The following PLEKHH2 variants were observed in gnomAD, a reference collection of about 807,000 sequenced individuals.
PLEKHH2 encodes the protein pleckstrin homology, MyTH4 and FERM domain containing H2.
PLEKHH2 carries 129 observed loss-of-function variants against 187.9 expected under a neutral mutation model. That is an observed-to-expected ratio of 0.69 (90% CI 0.59 to 0.79). The LOEUF is 0.79. PLEKHH2 is among the 30% of genes least tolerant of loss of function. The pLI is 0.00. For synonymous variants in PLEKHH2, 686 were observed against 605.6 expected, an observed-to-expected ratio of 1.13 and a Z score of -1.95; for missense variants, 2,076 against 1,751.2, an observed-to-expected ratio of 1.19 and a Z score of -3.31.
At chr2:43,760,977 T>C (rs1217457221) in intron 27 of PLEKHH2, among the ~76,000 whole-genome samples, 1 of 152,234 alleles carries the variant, frequency 6.6e-6, no homozygotes, top group Non-Finnish European at 1.5e-5. Flanking sequence ...TTTCCTTCCC[T>C]TTTGAGGCAG....
intron 23 of PLEKHH2, among the ~76,000 whole-genome samples, chr2:43,744,884 A>G (rs71420068): frequency 0.099 from 14,790 of 149,370 alleles, 952 homozygotes; most frequent in African/African-American, 0.18. Context: ...AAAAAAAAAA[A>G]AAAGAAAAAG....
intron 19 of PLEKHH2, among the ~76,000 whole-genome samples, chr2:43,732,805 C>T (rs1414587392): frequency 1.3e-5 from 2 of 152,156 alleles, no homozygotes; most frequent in African/African-American, 4.8e-5. Context: ...ATGTACTCTT[C>T]AGCCAGATCC....
chr2:43,677,716 C>T (rs1283716730), intron 2 of PLEKHH2, among the ~76,000 whole-genome samples: 2 of 151,746 alleles, frequency 1.3e-5, no homozygotes, highest in East Asian at 1.9e-4. Flanking sequence ...CTGTTGGGTA[C>T]ACCTCCAAGA....
rs753010530 is a variant in PLEKHH2, at chr2:43,765,518, C to T, written c.4402C>T (p.Arg1468Trp). ...SAPALLSAQT[R>W]GPQARMMGSQ... ...TCCAGCACTGCTCTCAGCCCAGACC[C>T]GGGGACCCCAAGCCAGAATGATGGG... Residue 1468 changes from arginine (R) to tryptophan (W), a missense_variant, in exon 30 of 30, where the codon CGG becomes TGG. By Grantham distance (101) the Arg-to-Trp change is moderately radical. Transcript: ENST00000282406. 1.1e-5 allele frequency: 17 copies of T among 1,614,070 alleles called. No individual in the cohort carries two copies. Among genetic ancestry groups the T allele is most frequent in the East Asian group, 2.2e-5 (1 of 44,880 alleles).
chr2:43,744,619 G>C (rs951999832), intron 23 of PLEKHH2, among the ~76,000 whole-genome samples: 1 of 152,194 alleles, frequency 6.6e-6, no homozygotes, highest in Non-Finnish European at 1.5e-5. Context: ...TGTAATCCAA[G>C]CACTTTGGGA....
chr2:43,669,333 G>A (rs1282429926), intron 2 of PLEKHH2, among the ~76,000 whole-genome samples: 2 of 152,176 alleles, frequency 1.3e-5, no homozygotes, highest in African/African-American at 4.8e-5. Flanking sequence ...GACTGCCAAT[G>A]GGTACAGGGT....
At chr2:43,640,795 G>C (rs1448045711) in intron 1 of PLEKHH2, among the ~76,000 whole-genome samples, 1 of 150,648 alleles carries the variant, frequency 6.6e-6, no homozygotes, top group Non-Finnish European at 1.5e-5. Context: ...TATTATTATT[G>C]TTTTTAAAGA....
intron 5 of PLEKHH2, among the ~76,000 whole-genome samples, chr2:43,694,871 C>A (rs940880144): frequency 1.3e-5 from 2 of 152,056 alleles, no homozygotes; most frequent in Admixed American, 6.6e-5. Flanking sequence ...AAGCTGAAAT[C>A]GTTTCCTTTA....
chr2:43,688,824 C>T (rs1668650882), intron 3 of PLEKHH2, among the ~76,000 whole-genome samples: 1 of 152,190 alleles, frequency 6.6e-6, no homozygotes, highest in Admixed American at 6.5e-5. Flanking sequence ...TTAATCCTCC[C>T]ATCAATGTGT....
intron 3 of PLEKHH2, chr2:43,681,124 A>C (rs1668154515): frequency 1.1e-6 from 1 of 888,906 alleles, no homozygotes; most frequent in African/African-American, 1.7e-5. Flanking sequence ...TTGTGAAACC[A>C]AGTCAAGGAG....
At chr2:43,703,950 T>C (rs754768832) in intron 8 of PLEKHH2, 31 bp from the exon 9 acceptor site, 1 of 595,486 alleles carries the variant, frequency 1.7e-6, no homozygotes, top group South Asian at 2.0e-5. Flanking sequence ...TTGCTTTAAA[T>C]ACCCTGTTCA....
chr2:43,696,302 A>T (rs7574185), intron 6 of PLEKHH2, among the ~76,000 whole-genome samples: 89,808 of 151,686 alleles, frequency 0.59, 28,045 homozygotes, highest in African/African-American at 0.78. Context: ...GTGAGACCCC[A>T]TCGCTACAAA....
intron 8 of PLEKHH2, among the ~76,000 whole-genome samples, chr2:43,703,614 T>G (rs1247846768): frequency 6.6e-6 from 1 of 152,174 alleles, no homozygotes; most frequent in African/African-American, 2.4e-5. Context: ...CCACTCATGG[T>G]TTTTCTCCCC....
intron 3 of PLEKHH2, chr2:43,680,567 A>G (rs1015587832): frequency 1.3e-5 from 2 of 156,704 alleles, no homozygotes; most frequent in African/African-American, 4.8e-5. Flanking sequence ...TTTTTATTTT[A>G]GAAGGGTAAG....
chr2:43,752,968 T>A (rs1055670627), intron 24 of PLEKHH2, among the ~76,000 whole-genome samples: 1 of 152,214 alleles, frequency 6.6e-6, no homozygotes, highest in African/African-American at 2.4e-5. Flanking sequence ...ATCTTTCAGA[T>A]TCCCAGAGAA....
intron 2 of PLEKHH2, among the ~76,000 whole-genome samples, chr2:43,660,471 AT>A (rs546980439): frequency 0.022 from 1,800 of 82,232 alleles, 43 homozygotes; most frequent in African/African-American, 0.057. Context: ...TAAGGAATTT[AT>A]TTTTTTTTTT....
At position 43,744,007 on chromosome 2, in the gene PLEKHH2, T is replaced by C. The variant is rs1340644129; in HGVS notation, c.3555+18T>C. On this transcript the variant is annotated intron_variant, in intron 23 of 29. Transcript: ENST00000282406. Reference sequence around the variant, plus strand: ...ACATCAAGGTGAAACCAAGTCCTTTTCAGGAGCCAAGCCCAACGAACAGCA... The same window carrying C: ...ACATCAAGGTGAAACCAAGTCCTTTCCAGGAGCCAAGCCCAACGAACAGCA... 1 of 1,607,078 alleles carries C rather than the reference T, an allele frequency of 6.2e-7. No homozygotes were observed. Among genetic ancestry groups the C allele is most frequent in the Non-Finnish European group, 8.5e-7 (1 of 1,174,908 alleles).
At chr2:43,660,135 A>G (rs1209719397) in intron 2 of PLEKHH2, among the ~76,000 whole-genome samples, 1 of 152,198 alleles carries the variant, frequency 6.6e-6, no homozygotes, top group Non-Finnish European at 1.5e-5. Context: ...AGTATGACAT[A>G]AAGTGTATAG....
intron 2 of PLEKHH2, among the ~76,000 whole-genome samples, chr2:43,651,957 T>G (rs1031341857): frequency 6.6e-6 from 1 of 152,240 alleles, no homozygotes; most frequent in Non-Finnish European, 1.5e-5. Context: ...AAATGTCTGA[T>G]GATTTTTAGT....
Sources: gnomAD v4.1 joint callset for allele counts (sites outside exome capture counted in the v4.1 genomes callset) on GRCh38, gnomAD v4.1.1 for gene constraint, MANE v1.5 for transcripts, NCBI Gene and HGNC (gene_info 2026-07-23, HGNC 2026-07-21) for gene names.